The following DUSP4 variants were observed in gnomAD, a reference collection of about 807,000 sequenced individuals.
DUSP4 encodes the protein dual specificity protein phosphatase 4.
Under a neutral mutation model 27.2 loss-of-function variants are expected in DUSP4, and 12 were observed. That is an observed-to-expected ratio of 0.44 (90% CI 0.28 to 0.71). DUSP4 has a LOEUF of 0.71. Ranked by LOEUF, DUSP4 falls within the 30% of genes least tolerant of loss-of-function variation. The pLI is 0.14. For synonymous variants in DUSP4, 257 were observed against 245.2 expected (o/e 1.05, Z -0.45); for missense variants, 448 against 551.3 (o/e 0.81, Z 1.88).
rs554663962 is a variant in DUSP4, at chr8:29,336,083, T to C, written c.*943A>G. Reference sequence around the variant, plus strand: ...GCAACATAGTGAGATGCTGTCTTTTTTTTTCTTTTCTTTTTTTTTAAAAAA... The same window carrying C: ...GCAACATAGTGAGATGCTGTCTTTTCTTTTCTTTTCTTTTTTTTTAAAAAA... On this transcript the variant is annotated 3_prime_UTR_variant, in exon 4 of 4. Transcript: ENST00000240100. 11 of 151,954 alleles carry C rather than the reference T, an allele frequency of 7.2e-5. No homozygotes were observed. Among genetic ancestry groups the C allele is most frequent in the Admixed American group, 2.6e-4 (4 of 15,270 alleles). The allele number at this position is 151,954 out of a possible 1,614,324, so 9.4% of individuals were successfully genotyped here.
At position 29,336,904 on chromosome 8, in the gene DUSP4, A is replaced by C; in HGVS notation, c.*122T>G. On this transcript the variant is annotated 3_prime_UTR_variant, in exon 4 of 4. Transcript: ENST00000240100. ...GCTGGCCTCGTCGTTGGCCAAGGAG[A>C]AATGATGGGGAAGGAGCTCGGTCGC... 1 of 1,380,206 alleles carries C rather than the reference A, an allele frequency of 7.2e-7. No homozygotes were observed. Among genetic ancestry groups the C allele is most frequent in the Non-Finnish European group, 9.5e-7 (1 of 1,053,472 alleles). 85.5% of individuals were successfully genotyped at this position (1,380,206 alleles called of 1,614,324 possible).
intron 1 of DUSP4, among the ~76,000 whole-genome samples, 168 bp from the exon 2 acceptor site, chr8:29,340,411 T>C (rs1817641758): frequency 6.6e-6 from 1 of 152,024 alleles, no homozygotes; most frequent in African/African-American, 2.4e-5. Context: ...CATGGAGTGG[T>C]TTCCAGAGAT....
At chr8:29,340,068 C>T (rs1174316593) in intron 2 of DUSP4, 30 bp downstream of exon 2, 2 of 1,550,050 alleles carry the variant, frequency 1.3e-6, no homozygotes, top group Non-Finnish European at 1.7e-6. Flanking sequence ...TTCCTGCCCC[C>T]CACTTCCAAG....
rs750269875 is a variant in DUSP4, at chr8:29,335,683, A to G, written c.*1343T>C. ...AGAAAAGATGGTGCTTCAATTTACA[A>G]AAGGATTCATTTCAGGGTTATCTCT... On this transcript the variant is annotated 3_prime_UTR_variant, in exon 4 of 4. Transcript: ENST00000240100. 6.6e-6 allele frequency: 1 copy of G among 152,232 alleles called. No homozygotes were observed. The highest frequency in any genetic ancestry group is 6.5e-5 in the Admixed American group (1 of 15,286). The allele number at this position is 152,232 out of a possible 1,614,324, so 9.4% of individuals were successfully genotyped here. A position where few individuals can be genotyped will look rare whatever the true frequency, so the allele number is the denominator to read the frequency against.
In DUSP4 at chr8:29,333,261, A is replaced by C. The variant is rs1817523178; in HGVS notation, c.*3765T>G. On this transcript the variant is annotated 3_prime_UTR_variant, in exon 4 of 4. Transcript: ENST00000240100. The stretch of plus-strand genomic sequence containing the variant: ...GGGGCTATTTACACAAGTTACAAGA[A>C]TTGCGTTGCTGTCTTTAAGAAGTCT... 6.6e-6 allele frequency: 1 copy of C among 152,218 alleles called. No individual in the cohort carries two copies. Among genetic ancestry groups the C allele is most frequent in the Non-Finnish European group, 1.5e-5 (1 of 68,032 alleles). 9.4% of individuals were successfully genotyped at this position (152,218 alleles called of 1,614,324 possible).
Position 29,350,559 on chromosome 8 carries a change from G to T in DUSP4, c.-281C>A. The T allele has an allele frequency of 9.7e-6, 4 of 412,094 alleles. No individual in the cohort carries two copies. The highest frequency in any genetic ancestry group is 1.7e-5 in the Non-Finnish European group (4 of 233,880). 25.5% of individuals were successfully genotyped at this position (412,094 alleles called of 1,614,324 possible). ...TGGAGGAGAGTGTGTTTACGAGAGA[G>T]GACCGCGGACTCTTTTCGGCGACGG... is the stretch of plus-strand genomic sequence containing the variant. On this transcript the variant is annotated 5_prime_UTR_variant, in exon 1 of 4. Coordinates refer to ENST00000240100, the MANE Select transcript of DUSP4 (RefSeq NM_001394.7).
At chr8:29,340,279 A>C (rs1416546338) in intron 1 of DUSP4, 36 bp from the exon 2 acceptor site, 1 of 1,561,518 alleles carries the variant, frequency 6.4e-7, no homozygotes, top group Non-Finnish European at 8.7e-7. Flanking sequence ...TAATGGGGTC[A>C]CTAAGCCAGC....
At position 29,336,577 on chromosome 8, in the gene DUSP4, G is replaced by C. The variant is rs982580177; in HGVS notation, c.*449C>G. ...ATGAAATTCCTTTAACTACAACAAC[G>C]ACAACAAAGGGACAAGTACACAGAA... is the stretch of plus-strand genomic sequence containing the variant. On this transcript the variant is annotated 3_prime_UTR_variant, in exon 4 of 4. Coordinates refer to ENST00000240100, the MANE Select transcript of DUSP4 (RefSeq NM_001394.7). The C allele has an allele frequency of 1.9e-5, 3 of 155,650 alleles. No homozygotes were observed. The highest frequency in any genetic ancestry group is 6.5e-5 in the Admixed American group (1 of 15,370). The allele number at this position is 155,650 out of a possible 1,614,324, so 9.6% of individuals were successfully genotyped here.
At chr8:29,338,132 A>G (rs1817604740) in intron 3 of DUSP4, 150 bp downstream of exon 3, 1 of 775,468 alleles carries the variant, frequency 1.3e-6, no homozygotes, top group Admixed American at 2.4e-5. Context: ...CCCAACATCC[A>G]ATGTATAAGC....
rs1257097536 is a variant in DUSP4 at position 29,334,789 on chromosome 8, CTGG to C, written c.*2234_*2236del. 1 of 152,210 alleles carries C rather than the reference CTGG, an allele frequency of 6.6e-6. No homozygotes were observed. The highest frequency in any genetic ancestry group is 1.5e-5 in the Non-Finnish European group (1 of 68,040). 9.4% of individuals were successfully genotyped at this position (152,210 alleles called of 1,614,324 possible). ...TGTTGTCTCTAAATGGTTCCATTGT[CTGG>C]GAACTGAAACCCTCCATGCTTCACC... is the stretch of plus-strand genomic sequence containing the variant. On this transcript the variant is annotated 3_prime_UTR_variant, in exon 4 of 4. Coordinates refer to ENST00000240100, the MANE Select transcript of DUSP4 (RefSeq NM_001394.7).
chr8:29,340,064 C>T (rs1432835352), intron 2 of DUSP4, 34 bp downstream of exon 2: 2 of 1,547,824 alleles, frequency 1.3e-6, no homozygotes, highest in African/African-American at 1.4e-5. Context: ...GCTGTTCCTG[C>T]CCCCCACTTC....
chr8:29,344,948 C>T (rs1200256503), intron 1 of DUSP4, among the ~76,000 whole-genome samples: 1 of 152,032 alleles, frequency 6.6e-6, no homozygotes, highest in Non-Finnish European at 1.5e-5. Flanking sequence ...CTCAAGCAAT[C>T]TCCTTGCTTC....
rs918810034 is a variant in DUSP4 at position 29,338,392 on chromosome 8, G to A, written c.689C>T (p.Ser230Leu). ...LGITALLNVS[S>L]DCPNHFEGHY... Reference sequence around the variant, plus strand: ...TCCTTCAAAGTGGTTTGGGCAGTCCGAGGAGACATTCAACAGAGCCGTGAT... The same window carrying A: ...TCCTTCAAAGTGGTTTGGGCAGTCCAAGGAGACATTCAACAGAGCCGTGAT... The change falls in exon 3 of 4, where the codon TCG becomes TTG. Residue 230 changes from serine (S) to leucine (L), a missense_variant. Ser to Leu is a moderately radical substitution (Grantham distance 145). Around this residue, in one of 3 missense-constraint regions of DUSP4, gnomAD observed 345 missense variants for 394.0 expected, o/e 0.88. Transcript: ENST00000240100. 10 of 1,614,034 alleles carry A rather than the reference G, an allele frequency of 6.2e-6. No homozygotes were observed. The highest frequency in any genetic ancestry group is 5.0e-5 in the Admixed American group (3 of 59,998).
In DUSP4 at chr8:29,337,162, A is replaced by T. The variant is rs962510069; in HGVS notation, c.1049T>A (p.Leu350Gln). 2 of 1,611,390 alleles carry T rather than the reference A, an allele frequency of 1.2e-6. No homozygotes were observed. The highest frequency in any genetic ancestry group is 2.7e-5 in the African/African-American group (2 of 74,886). Residue 350 changes from leucine to glutamine, a missense_variant, in exon 4 of 4, where the codon CTG becomes CAG. By Grantham distance (113) the Leu-to-Gln change is moderately radical. Coordinates refer to ENST00000240100, the MANE Select transcript of DUSP4 (RefSeq NM_001394.7). The surrounding 1 kb of genome is among the most constrained non-coding windows in gnomAD (Gnocchi z 6.4). ...AAEAASPSGPLRERGKTPATP... is the reference protein window; with the variant it reads ...AAEAASPSGPQRERGKTPATP... ...GGCGGGGGTCTTGCCCCGCTCCCGC[A>T]GGGGTCCCGAGGGGCTAGCAGCCTC... is the stretch of plus-strand genomic sequence containing the variant.
At position 29,340,163 on chromosome 8, in the gene DUSP4, G is replaced by T. The variant is rs779380098; in HGVS notation, c.514C>A (p.Pro172Thr). 9 of 1,611,412 alleles carry T rather than the reference G, an allele frequency of 5.6e-6. 1 individual carries two copies. The Admixed American group carries it at 1.3e-4, about 24-fold the overall frequency. Residue 172 changes from proline (P) to threonine (T), a missense_variant, in exon 2 of 4, where the codon CCC (proline) becomes ACC (threonine). Physicochemically the swap from Pro to Thr is conservative, Grantham distance 38. This residue lies in a region of DUSP4 where 345 missense variants were observed against 394.0 expected (regional missense o/e 0.88). Coordinates refer to ENST00000240100, the MANE Select transcript of DUSP4 (RefSeq NM_001394.7). ...KALAAIPPPVPPSATEPLDLG... is the reference protein window; with the variant it reads ...KALAAIPPPVTPSATEPLDLG... Reference sequence around the variant, plus strand: ...TCCAAGGGCTCTGTGGCACTGGGGGGAACCGGGGGTGGGATGGCTGCCAGG... The same window carrying T: ...TCCAAGGGCTCTGTGGCACTGGGGGTAACCGGGGGTGGGATGGCTGCCAGG...
intron 1 of DUSP4, chr8:29,346,027 T>C (rs1817729685): frequency 2.0e-6 from 2 of 985,344 alleles, no homozygotes; most frequent in Admixed American, 6.2e-5. Flanking sequence ...TGCTGTTTGA[T>C]GCCATTGCCC....
rs146836403 is a variant in DUSP4, at chr8:29,340,538, G to T, written c.434-295C>A. 4.4e-3 allele frequency among the ~76,000 whole-genome samples: 669 copies of T among 152,330 alleles called. 6 individuals carry two copies. Among genetic ancestry groups the T allele is most frequent in the African/African-American group, 0.015 (612 of 41,560 alleles). On this transcript the variant is annotated intron_variant, in intron 1 of 3. Coordinates refer to ENST00000240100, the MANE Select transcript of DUSP4 (RefSeq NM_001394.7). ...GACGTGCAGGGGGATGTGCAGAAGT[G>T]ACTGTGGAGTAGCTCCTCAGGACAA...
chr8:29,350,307 C>A lies in DUSP4; in HGVS notation c.-29G>T. The A allele has an allele frequency of 6.5e-7, 1 of 1,549,250 alleles. No homozygotes were observed. The highest frequency in any genetic ancestry group is 8.7e-7 in the Non-Finnish European group (1 of 1,149,552). ...CGCCGGGAACCGAGGCGGCTGGGCGCGCGAGGAAGAGAAGAGAACCCGGGC... is the reference window on the plus strand; with the variant it reads ...CGCCGGGAACCGAGGCGGCTGGGCGAGCGAGGAAGAGAAGAGAACCCGGGC... On this transcript the variant is annotated 5_prime_UTR_variant, in exon 1 of 4. Transcript: ENST00000240100.
Position 29,340,171 on chromosome 8 carries a change from G to T in DUSP4, c.506C>A (p.Pro169His), listed in dbSNP as rs200829793. ...CTCTGTGGCACTGGGGGGAACCGGG[G>T]GTGGGATGGCTGCCAGGGCCTTGGT... ...SKTKALAAIP[P>H]PVPPSATEPL... is the part of the protein sequence containing the mutation. The change falls in exon 2 of 4, where the codon CCC becomes CAC. Residue 169 changes from proline (P) to histidine (H), a missense_variant. By Grantham distance (77) the Pro-to-His change is moderately conservative. Around this residue, in one of 3 missense-constraint regions of DUSP4, gnomAD observed 345 missense variants for 394.0 expected, o/e 0.88. Coordinates refer to ENST00000240100, the MANE Select transcript of DUSP4 (RefSeq NM_001394.7). The T allele has an allele frequency of 6.2e-7, 1 of 1,612,830 alleles. No individual in the cohort carries two copies.
Sources: gnomAD v4.1 joint callset for allele counts (sites outside exome capture counted in the v4.1 genomes callset) on GRCh38, gnomAD v4.1.1 for gene constraint, gnomAD v4.1.1 regional missense constraint, Gnocchi (gnomAD v3.1) non-coding constraint, MANE v1.5 for transcripts, NCBI Gene and HGNC (gene_info 2026-07-23, HGNC 2026-07-21) for gene names.